Variants in OSBP2 observed in about 807,000 individuals in gnomAD.
OSBP2 encodes the protein oxysterol binding protein 2.
In OSBP2, 66 loss-of-function variants were observed where a neutral mutation model predicts 96.0. The observed-to-expected ratio is 0.69, with a 90% CI of 0.56 to 0.84. The LOEUF (loss-of-function observed/expected upper bound fraction) is 0.84, where lower values mean the gene tolerates loss of function less well. Among genes scored for constraint, OSBP2 ranks in the 40% least tolerant of loss-of-function variants. The pLI is 0.00. For missense variants in OSBP2, 1,038 were observed against 1,222.7 expected (o/e 0.85, Z 2.25); for synonymous variants, 525 against 520.9 (o/e 1.01, Z -0.11).
intron 2 of OSBP2, among the ~76,000 whole-genome samples, chr22:30,789,585 A>G (rs1468513711): frequency 6.6e-6 from 1 of 152,170 alleles, no homozygotes; most frequent in Non-Finnish European, 1.5e-5. Context: ...TCAGAAAAAA[A>G]CGGGAAGAGC....
chr22:30,741,418 CT>C (rs2089936057), intron 2 of OSBP2, 49 bp downstream of exon 2: 2 of 1,477,674 alleles, frequency 1.4e-6, no homozygotes, highest in Non-Finnish European at 1.8e-6. Flanking sequence ...TGTCATGAGT[CT>C]GGAGGAAGTG....
At chr22:30,841,413 A>G (rs1420381157) in intron 2 of OSBP2, among the ~76,000 whole-genome samples, 1 of 152,188 alleles carries the variant, frequency 6.6e-6, no homozygotes, top group Non-Finnish European at 1.5e-5. Flanking sequence ...ATGAAACCAC[A>G]TAATGTACAA....
chr22:30,772,955 G>A (rs551403818), intron 2 of OSBP2, among the ~76,000 whole-genome samples: 8 of 151,166 alleles, frequency 5.3e-5, no homozygotes, highest in South Asian at 2.1e-4. Context: ...CACCATGCCC[G>A]GCTAATTTTT....
In OSBP2 at chr22:30,905,001, G is replaced by C. The variant is rs1367625002; in HGVS notation, c.2376-836G>C. Among the ~76,000 whole-genome samples, 6 of 152,162 alleles carry C rather than the reference G, an allele frequency of 3.9e-5. No individual in the cohort carries two copies. The South Asian group carries it at 1.2e-3, about 32-fold the overall frequency. On this transcript the variant is annotated intron_variant, in intron 12 of 13. Transcript: ENST00000332585. The stretch of plus-strand genomic sequence containing the variant: ...AAATACAATAAAATTAGCTGGGTGT[G>C]GGGGCATGCCCTGAAATCCCAGCTA...
intron 2 of OSBP2, among the ~76,000 whole-genome samples, chr22:30,811,166 C>A (rs561079211): frequency 7.2e-5 from 3 of 41,422 alleles, no homozygotes; most frequent in East Asian, 5.0e-4. Context: ...TATACACAAC[C>A]CCCCCCCCAC....
intron 2 of OSBP2, chr22:30,764,472 C>T (rs2090246057): frequency 1.1e-5 from 10 of 888,602 alleles, no homozygotes; most frequent in Non-Finnish European, 1.3e-5. Flanking sequence ...GGGAGTGTGG[C>T]GTTGTTCTGG....
chr22:30,695,514 G>T lies in OSBP2; in HGVS notation c.605G>T (p.Arg202Leu), dbSNP rs767650694. Reference protein sequence around the residue: ...WTNYLKGYQRRWFVLGNGLLS... With the variant: ...WTNYLKGYQRLWFVLGNGLLS... ...AACTATCTGAAGGGCTACCAGCGCCGCTGGTTCGTGCTGGGCAATGGTTTG... is the reference window on the plus strand; with the variant it reads ...AACTATCTGAAGGGCTACCAGCGCCTCTGGTTCGTGCTGGGCAATGGTTTG... Residue 202 changes from arginine (R) to leucine (L), a missense_variant, in exon 1 of 14, where the codon CGC becomes CTC. By Grantham distance (102) the Arg-to-Leu change is moderately radical. Coordinates refer to ENST00000332585, the MANE Select transcript of OSBP2 (RefSeq NM_030758.4). 39 of 1,611,562 alleles carry T rather than the reference G, an allele frequency of 2.4e-5. No individual in the cohort carries two copies. Among genetic ancestry groups the T allele is most frequent in the Non-Finnish European group, 3.3e-5 (39 of 1,180,004 alleles).
intron 1 of OSBP2, among the ~76,000 whole-genome samples, chr22:30,724,722 G>A (rs1031489601): frequency 3.3e-5 from 5 of 152,198 alleles, no homozygotes; most frequent in African/African-American, 9.7e-5. Flanking sequence ...TGCTATGAGC[G>A]GGGCAGGGAC....
intron 12 of OSBP2, among the ~76,000 whole-genome samples, chr22:30,898,898 A>G (rs541250586): frequency 1.3e-4 from 19 of 151,112 alleles, no homozygotes; most frequent in African/African-American, 4.6e-4. Flanking sequence ...AAAAGCAGAA[A>G]TCAATTAAAA....
At chr22:30,735,720 T>C (rs911932173) in intron 1 of OSBP2, among the ~76,000 whole-genome samples, 1 of 152,014 alleles carries the variant, frequency 6.6e-6, no homozygotes, top group African/African-American at 2.4e-5. Flanking sequence ...CTTCTTCTTC[T>C]TCTTTTTTTC....
In OSBP2 at chr22:30,890,232, G is replaced by A. The variant is rs1300860995; in HGVS notation, c.1624-496G>A. ...AGATAACACGAGGAAGCTGAGACTCGTACCCGATGGCATCATGGTGGGGAG... is the reference window on the plus strand; with the variant it reads ...AGATAACACGAGGAAGCTGAGACTCATACCCGATGGCATCATGGTGGGGAG... On this transcript the variant is annotated intron_variant, in intron 7 of 13. Coordinates refer to ENST00000332585, the MANE Select transcript of OSBP2 (RefSeq NM_030758.4). This position sits in a 1 kb window ranked among gnomAD's most constrained non-coding sequence, Gnocchi z 4.4. Among the ~76,000 whole-genome samples the A allele has an allele frequency of 2.0e-5, 3 of 152,082 alleles. No homozygotes were observed. The highest frequency in any genetic ancestry group is 1.9e-4 in the East Asian group (1 of 5,182).
At chr22:30,788,363 AG>A (rs1431659275) in intron 2 of OSBP2, among the ~76,000 whole-genome samples, 1 of 152,152 alleles carries the variant, frequency 6.6e-6, no homozygotes, top group African/African-American at 2.4e-5. Flanking sequence ...TTCCCATGGA[AG>A]ATTTTCCTCC....
intron 2 of OSBP2, among the ~76,000 whole-genome samples, chr22:30,819,374 G>A (rs528578548): frequency 9.2e-5 from 14 of 152,270 alleles, no homozygotes; most frequent in South Asian, 2.1e-4. Flanking sequence ...TCACAGGAGC[G>A]GGGCTGGGGT....
chr22:30,896,512 A>C (rs2040071346), intron 12 of OSBP2, among the ~76,000 whole-genome samples: 1 of 152,220 alleles, frequency 6.6e-6, no homozygotes, highest in Non-Finnish European at 1.5e-5. Context: ...TAAAATGGTA[A>C]GAGAAAATTA....
chr22:30,699,414 G>A (rs1292725990), intron 1 of OSBP2, among the ~76,000 whole-genome samples: 1 of 152,132 alleles, frequency 6.6e-6, no homozygotes, highest in African/African-American at 2.4e-5. Context: ...TATGTGTGCC[G>A]GAATTTCTCT....
At chr22:30,841,089 C>T (rs553674576) in intron 2 of OSBP2, among the ~76,000 whole-genome samples, 3 of 152,010 alleles carry the variant, frequency 2.0e-5, no homozygotes, top group East Asian at 1.9e-4. Flanking sequence ...CACTTGAACC[C>T]GGGAGGCGGA....
At chr22:30,874,892 C>T (rs557355420) in intron 3 of OSBP2, among the ~76,000 whole-genome samples, 2 of 152,290 alleles carry the variant, frequency 1.3e-5, no homozygotes, top group South Asian at 4.1e-4. Context: ...GCTGGGACCC[C>T]GGCTCCCAGG....
chr22:30,874,184 C>T (rs538351232), intron 3 of OSBP2, among the ~76,000 whole-genome samples: 17 of 152,262 alleles, frequency 1.1e-4, no homozygotes, highest in African/African-American at 4.1e-4. Flanking sequence ...TTGCAGTGAG[C>T]CAAGATCGCA....
chr22:30,891,069 T>C (rs1602425445), intron 8 of OSBP2, 96 bp downstream of exon 8: 10 of 1,456,490 alleles, frequency 6.9e-6, no homozygotes, highest in Non-Finnish European at 9.3e-6. Flanking sequence ...GCAGCGTCTG[T>C]CTGACCCTGA....
Sources: allele counts gnomAD v4.1 joint callset (sites outside exome capture counted in the v4.1 genomes callset), GRCh38; gene constraint gnomAD v4.1.1; non-coding constraint Gnocchi (gnomAD v3.1); transcripts MANE v1.5; gene names NCBI Gene and HGNC (gene_info 2026-07-23, HGNC 2026-07-21).